The following PLSCR1 variants were observed in gnomAD, a reference collection of about 807,000 sequenced individuals.
PLSCR1 encodes the protein PL scramblase 1.
In PLSCR1, 17 loss-of-function variants were observed where a neutral mutation model predicts 37.8. That is an observed-to-expected ratio of 0.45 (90% confidence interval 0.31 to 0.68). PLSCR1 has a LOEUF of 0.68. PLSCR1 is among the 30% of genes least tolerant of loss of function. PLSCR1 has a pLI of 0.06. For synonymous variants in PLSCR1, 116 were observed against 125.9 expected, an observed-to-expected ratio of 0.92 and a Z score of 0.53; for missense variants, 347 against 380.9, an observed-to-expected ratio of 0.91 and a Z score of 0.74.
At chr3:146,530,146 G>T (rs911796746) in intron 3 of PLSCR1, among the ~76,000 whole-genome samples, 1 of 152,028 alleles carries the variant, frequency 6.6e-6, no homozygotes, top group Non-Finnish European at 1.5e-5. Flanking sequence ...CCATAGCAGT[G>T]GAATACAATT....
intron 1 of PLSCR1, among the ~76,000 whole-genome samples, chr3:146,543,965 T>C (rs2044370686): frequency 1.4e-5 from 2 of 144,892 alleles, no homozygotes; most frequent in Admixed American, 6.9e-5. Context: ...GGGCCTAGCA[T>C]AGATGTGGGC....
chr3:146,531,519 C>A (rs2108650932), intron 3 of PLSCR1, among the ~76,000 whole-genome samples: 1 of 152,276 alleles, frequency 6.6e-6, no homozygotes, highest in Middle Eastern at 3.4e-3. Context: ...TTAACATCAT[C>A]ATAATTTTCC....
intron 1 of PLSCR1, among the ~76,000 whole-genome samples, chr3:146,541,402 T>C (rs964443391): frequency 1.4e-4 from 22 of 152,170 alleles, no homozygotes; most frequent in Non-Finnish European, 2.6e-4. Flanking sequence ...CTGAAAAGCC[T>C]TTCCTGACAA....
At chr3:146,538,751 C>G (rs1398377935) in intron 1 of PLSCR1, among the ~76,000 whole-genome samples, 4 of 151,774 alleles carry the variant, frequency 2.6e-5, no homozygotes, top group African/African-American at 4.8e-5. Flanking sequence ...GACTACTCAA[C>G]TGAAAAAAAT....
At chr3:146,524,440 A>G (rs2044076298) in intron 5 of PLSCR1, among the ~76,000 whole-genome samples, 1 of 151,968 alleles carries the variant, frequency 6.6e-6, no homozygotes, top group African/African-American at 2.4e-5. Flanking sequence ...GAAACAAAAA[A>G]AAAACTGGAG....
chr3:146,522,804 T>C (rs552165744), intron 5 of PLSCR1, among the ~76,000 whole-genome samples: 1 of 152,352 alleles, frequency 6.6e-6, no homozygotes, highest in South Asian at 2.1e-4. Flanking sequence ...TAAAGCCCAA[T>C]TGTATATTCC....
At chr3:146,519,243 T>C (rs2043986120) in intron 7 of PLSCR1, among the ~76,000 whole-genome samples, 1 of 152,164 alleles carries the variant, frequency 6.6e-6, no homozygotes, top group African/African-American at 2.4e-5. Flanking sequence ...ACCATTAGGA[T>C]TGTCTGCTTT....
At position 146,517,175 on chromosome 3, in the gene PLSCR1, GAA is replaced by G; in HGVS notation, c.739-10_739-9del. On this transcript the variant is annotated splice_polypyrimidine_tract_variant and intron_variant, in intron 7 of 8. Transcript: ENST00000342435. ...TTCATCAAGAGATTTAATCTAAATT[GAA>G]AAAAAAAAGTATTAAATACTTTTAG... 29 of 1,352,182 alleles carry G rather than the reference GAA, an allele frequency of 2.1e-5. No homozygotes were observed. Among genetic ancestry groups the G allele is most frequent in the South Asian group, 6.3e-5 (4 of 63,528 alleles). 83.8% of individuals were successfully genotyped at this position (1,352,182 alleles called of 1,614,324 possible).
chr3:146,522,115 ATAT>A (rs2044031664), intron 5 of PLSCR1, 62 bp from the exon 6 acceptor site: 2 of 945,894 alleles, frequency 2.1e-6, no homozygotes, highest in Admixed American at 3.8e-5. Context: ...ATTTATCCAG[ATAT>A]TATAATATCT....
chr3:146,532,011 C>A (rs2044205746), intron 3 of PLSCR1, among the ~76,000 whole-genome samples: 2 of 152,104 alleles, frequency 1.3e-5, no homozygotes, highest in South Asian at 4.1e-4. Flanking sequence ...CACATTAACT[C>A]CACATTTAAA....
intron 7 of PLSCR1, among the ~76,000 whole-genome samples, chr3:146,520,908 A>C (rs984289592): frequency 4.6e-5 from 7 of 152,304 alleles, no homozygotes; most frequent in South Asian, 4.1e-4. Context: ...CAATGAAAAA[A>C]TTTGGATTGT....
chr3:146,518,073 T>C (rs899361707), intron 7 of PLSCR1, among the ~76,000 whole-genome samples: 1 of 152,234 alleles, frequency 6.6e-6, no homozygotes, highest in Non-Finnish European at 1.5e-5. Flanking sequence ...ATGAAGCTGA[T>C]AGCATAATAC....
At chr3:146,525,786 T>C (rs1185353770) in intron 4 of PLSCR1, 139 bp from the exon 5 acceptor site, 2 of 469,836 alleles carry the variant, frequency 4.3e-6, no homozygotes, top group Middle Eastern at 5.6e-4. Flanking sequence ...TATTACTTTT[T>C]AGTGTAAAAC....
chr3:146,541,617 G>T (rs1177516840), intron 1 of PLSCR1, among the ~76,000 whole-genome samples: 2 of 152,164 alleles, frequency 1.3e-5, no homozygotes, highest in Non-Finnish European at 2.9e-5. Context: ...TTTGTTAAAA[G>T]ACTCTTTTAA....
rs73865773 is a variant in PLSCR1, at chr3:146,518,373, C to T, written c.739-1206G>A. Among the ~76,000 whole-genome samples the T allele has an allele frequency of 4.3e-3, 658 of 152,212 alleles. 8 individuals carry two copies. Among genetic ancestry groups the T allele is most frequent in the African/African-American group, 0.014 (596 of 41,530 alleles). On this transcript the variant is annotated intron_variant, in intron 7 of 8. Coordinates refer to ENST00000342435, the MANE Select transcript of PLSCR1 (RefSeq NM_021105.3). Reference sequence around the variant, plus strand: ...GCCTAAGTCAGTGCTTAAATACATCCACTGAAACACAGTTGACCTACACAC... The same window carrying T: ...GCCTAAGTCAGTGCTTAAATACATCTACTGAAACACAGTTGACCTACACAC...
intron 2 of PLSCR1, among the ~76,000 whole-genome samples, 189 bp downstream of exon 2, chr3:146,536,351 T>C (rs911567552): frequency 3.9e-5 from 6 of 152,340 alleles, no homozygotes; most frequent in African/African-American, 1.4e-4. Flanking sequence ...AAGAACCTAG[T>C]GATAGTGCTA....
intron 4 of PLSCR1, chr3:146,528,206 A>C (rs1210111797): frequency 6.1e-6 from 1 of 164,700 alleles, no homozygotes; most frequent in African/African-American, 2.4e-5. Flanking sequence ...TTAAAAAAAC[A>C]GTCTTGACTC....
In PLSCR1 at chr3:146,528,647, T is replaced by G. The variant is rs757862608; in HGVS notation, c.279A>C (p.Leu93Phe). The G allele has an allele frequency of 2.2e-5, 36 of 1,613,992 alleles. No homozygotes were observed. The East Asian group carries it at 7.6e-4, about 34-fold the overall frequency. Residue 93 changes from leucine to phenylalanine, a missense_variant, in exon 4 of 9, where the codon TTA becomes TTC. By Grantham distance (22) the Leu-to-Phe change is conservative (BLOSUM62 0). Coordinates refer to ENST00000342435, the MANE Select transcript of PLSCR1 (RefSeq NM_021105.3). ...VPWMPAPQPP[L>F]NCPPGLEYLS... ...AATATTCTAATCCAGGTGGACAGTTTAATGGAGGCTGTGGCGCTGGCATCC... is the reference window on the plus strand; with the variant it reads ...AATATTCTAATCCAGGTGGACAGTTGAATGGAGGCTGTGGCGCTGGCATCC...
intron 3 of PLSCR1, among the ~76,000 whole-genome samples, chr3:146,533,246 C>T (rs1180999646): frequency 6.6e-6 from 1 of 151,994 alleles, no homozygotes; most frequent in African/African-American, 2.4e-5. Flanking sequence ...CCTTTACTGT[C>T]CTCTATAAAT....
Sources: allele counts gnomAD v4.1 joint callset (sites outside exome capture counted in the v4.1 genomes callset), GRCh38; gene constraint gnomAD v4.1.1; transcripts MANE v1.5; gene names NCBI Gene and HGNC (gene_info 2026-07-23, HGNC 2026-07-21).